DCDC2C: variants seen among roughly 807,000 people sequenced by gnomAD.
DCDC2C encodes the protein doublecortin domain containing 2C, also known as doublecortin domain-containing protein 2C.
DCDC2C carries 44 observed loss-of-function variants against 45.0 expected under a neutral mutation model. That is an observed-to-expected ratio of 0.98 (90% CI 0.77 to 1.26). DCDC2C has a LOEUF of 1.26. Among genes scored for constraint, DCDC2C ranks in the 50% most tolerant of loss-of-function variants. The probability of loss-of-function intolerance (pLI) is 0.00; values close to 1 mark genes in which losing one functional copy is unlikely to be tolerated. For missense variants in DCDC2C, 447 were observed against 468.9 expected (o/e 0.95, Z 0.43); for synonymous variants, 187 against 178.8 (o/e 1.05, Z -0.37).
In DCDC2C at chr2:3,727,017, G is replaced by A. The variant is rs1668708481; in HGVS notation, c.354G>A (p.Val118=). 1.3e-6 allele frequency: 2 copies of A among 1,550,298 alleles called. No individual in the cohort carries two copies. Among genetic ancestry groups the A allele is most frequent in the Non-Finnish European group, 1.7e-6 (2 of 1,146,904 alleles). ...TCCTTTTTCAGATCAAACCAGTGGT[G>A]CATTGTGATATAAATGTGCCTTCCA... is the stretch of plus-strand genomic sequence containing the variant. ...IRKLKEIKPV[V]HCDINVPSKW... The change falls in exon 3 of 11, where the codon GTG becomes GTA. Residue 118 remains valine, a synonymous_variant. Coordinates refer to ENST00000399143, the MANE Select transcript of DCDC2C (RefSeq NM_001287444.2).
At chr2:3,765,401 A>G (rs749988673) in intron 6 of DCDC2C, among the ~76,000 whole-genome samples, 4 of 152,166 alleles carry the variant, frequency 2.6e-5, no homozygotes, top group Admixed American at 2.6e-4. Flanking sequence ...GGTTTGGAGG[A>G]TGAGCTGTCA....
At chr2:3,730,126 G>A (rs1175575382) in intron 3 of DCDC2C, among the ~76,000 whole-genome samples, 5 of 152,188 alleles carry the variant, frequency 3.3e-5, no homozygotes, top group African/African-American at 1.2e-4. Context: ...TATGCATCAG[G>A]AGATGAAAGC....
intron 9 of DCDC2C, among the ~76,000 whole-genome samples, chr2:3,781,905 A>T (rs1380325402): frequency 6.6e-6 from 1 of 152,182 alleles, no homozygotes; most frequent in Non-Finnish European, 1.5e-5. Context: ...TATAGAAAAG[A>T]TTTCTGATGC....
At chr2:3,773,153 C>T (rs1298133255) in intron 8 of DCDC2C, among the ~76,000 whole-genome samples, 4 of 152,028 alleles carry the variant, frequency 2.6e-5, no homozygotes, top group African/African-American at 7.2e-5. Flanking sequence ...GACAGGGTTT[C>T]GGGGTGGAAG....
At chr2:3,769,108 A>G in intron 7 of DCDC2C, 1 of 540,800 alleles carries the variant, frequency 1.8e-6, no homozygotes, top group Non-Finnish European at 3.3e-6. Flanking sequence ...CGAGGCCACC[A>G]CGCTGAGCAC....
intron 10 of DCDC2C, among the ~76,000 whole-genome samples, chr2:3,799,384 C>T (rs545771661): frequency 1.5e-3 from 223 of 152,326 alleles, no homozygotes; most frequent in African/African-American, 5.0e-3. Context: ...AGTCATTCTC[C>T]GTCCAGCTTT....
At chr2:3,813,712 G>T (rs1671477568) in intron 10 of DCDC2C, among the ~76,000 whole-genome samples, 1 of 141,644 alleles carries the variant, frequency 7.1e-6, no homozygotes, top group Admixed American at 7.1e-5. Context: ...TTTTATCAGA[G>T]ACTAGGATTG....
chr2:3,747,148 G>GCAGCACA (rs1040653439), intron 4 of DCDC2C, among the ~76,000 whole-genome samples: 1 of 152,152 alleles, frequency 6.6e-6, no homozygotes, highest in African/African-American at 2.4e-5. Flanking sequence ...ACACATGCAC[G>GCAGCACA]CAGCACACAG....
intron 10 of DCDC2C, among the ~76,000 whole-genome samples, chr2:3,829,780 G>A (rs1357362763): frequency 6.6e-6 from 1 of 152,094 alleles, no homozygotes; most frequent in African/African-American, 2.4e-5. Context: ...TCTGGGTTTC[G>A]GGGCCTTCGG....
chr2:3,797,501 G>T (rs1366023192), intron 10 of DCDC2C, among the ~76,000 whole-genome samples: 1 of 147,268 alleles, frequency 6.8e-6, no homozygotes, highest in East Asian at 2.0e-4. Flanking sequence ...TCTCTTGTGG[G>T]CATTTAGTGC....
chr2:3,752,562 A>G, intron 4 of DCDC2C: 1 of 685,570 alleles, frequency 1.5e-6, no homozygotes, highest in Non-Finnish European at 2.6e-6. Flanking sequence ...TAAAAAATCT[A>G]AAAGTGGAAA....
At chr2:3,785,289 C>T (rs974248403) in intron 10 of DCDC2C, among the ~76,000 whole-genome samples, 189 bp downstream of exon 10, 3 of 152,164 alleles carry the variant, frequency 2.0e-5, no homozygotes, top group African/African-American at 4.8e-5. Flanking sequence ...AGCATAATCA[C>T]GGCCTTTCAC....
At chr2:3,731,932 A>G (rs976320090) in intron 3 of DCDC2C, among the ~76,000 whole-genome samples, 2 of 152,106 alleles carry the variant, frequency 1.3e-5, no homozygotes, top group African/African-American at 2.4e-5. Context: ...GACCATATGT[A>G]TGAGTATGAT....
At chr2:3,764,860 G>A (rs191319435) in intron 6 of DCDC2C, among the ~76,000 whole-genome samples, 2 of 152,302 alleles carry the variant, frequency 1.3e-5, no homozygotes, top group Admixed American at 6.5e-5. Flanking sequence ...AGTGGAAAAT[G>A]CTATAAAGCA....
chr2:3,791,089 A>G (rs1191507887), intron 10 of DCDC2C, among the ~76,000 whole-genome samples: 1 of 151,844 alleles, frequency 6.6e-6, no homozygotes, highest in Non-Finnish European at 1.5e-5. Flanking sequence ...AGCCTGGGCC[A>G]CAGAGTGAGA....
intron 10 of DCDC2C, among the ~76,000 whole-genome samples, chr2:3,836,722 C>T (rs1672083895): frequency 6.6e-6 from 1 of 152,060 alleles, no homozygotes; most frequent in Non-Finnish European, 1.5e-5. Flanking sequence ...ATTAGCCGGG[C>T]ACGGTGGCGG....
At chr2:3,804,050 T>C (rs1671174402) in intron 10 of DCDC2C, among the ~76,000 whole-genome samples, 1 of 152,246 alleles carries the variant, frequency 6.6e-6, no homozygotes, top group Non-Finnish European at 1.5e-5. Flanking sequence ...TGTATTAACA[T>C]AATTGGAGGT....
chr2:3,751,794 T>G (rs535041587), intron 4 of DCDC2C, among the ~76,000 whole-genome samples: 1 of 152,334 alleles, frequency 6.6e-6, no homozygotes, highest in African/African-American at 2.4e-5. Context: ...CAATTCTTCC[T>G]CAGTCACATC....
chr2:3,761,239 GTAAA>G lies in DCDC2C; in HGVS notation c.727-6512_727-6509del, dbSNP rs1487921839. On this transcript the variant is annotated intron_variant, in intron 6 of 10. Transcript: ENST00000399143. This position sits in a 1 kb window ranked among gnomAD's most constrained non-coding sequence, Gnocchi z 4.3. ...TGGTTCAGGCTTCTGTGAAAAATCA[GTAAA>G]TAGTTAATAAGCATTGTATTTATAT... Among the ~76,000 whole-genome samples the G allele has an allele frequency of 6.6e-6, 1 of 152,170 alleles. No homozygotes were observed. The highest frequency in any genetic ancestry group is 6.5e-5 in the Admixed American group (1 of 15,272).
Sources: gnomAD v4.1 joint callset for allele counts (sites outside exome capture counted in the v4.1 genomes callset) on GRCh38, gnomAD v4.1.1 for gene constraint, Gnocchi (gnomAD v3.1) non-coding constraint, MANE v1.5 for transcripts, NCBI Gene and HGNC (gene_info 2026-07-23, HGNC 2026-07-21) for gene names.